Variants in FMNL2 observed in about 807,000 individuals in gnomAD.
FMNL2 encodes the protein formin like 2, also known as formin-like protein 2.
FMNL2 carries 51 observed loss-of-function variants against 130.2 expected under a neutral mutation model. That is an observed-to-expected ratio of 0.39 (90% CI 0.31 to 0.49). The LOEUF is 0.49. Among genes scored for constraint, FMNL2 ranks in the 20% least tolerant of loss-of-function variants. The pLI is 0.85. For missense variants in FMNL2, 977 were observed against 1,316.2 expected (o/e 0.74, Z 3.99); for synonymous variants, 465 against 467.1 (o/e 1.00, Z 0.06).
At chr2:152,514,285 TG>T (rs1692641380) in intron 1 of FMNL2, among the ~76,000 whole-genome samples, 1 of 152,206 alleles carries the variant, frequency 6.6e-6, no homozygotes, top group East Asian at 1.9e-4. Flanking sequence ...GATATTTCTT[TG>T]GCCGATGACT....
intron 1 of FMNL2, among the ~76,000 whole-genome samples, chr2:152,504,169 C>T (rs1170785073): frequency 6.6e-6 from 1 of 152,054 alleles, no homozygotes; most frequent in African/African-American, 2.4e-5. Flanking sequence ...CCAGCCTGTG[C>T]GACAGAGCGA....
At chr2:152,364,259 GTGTTTTTTTTTTTTT>G (rs750304982) in intron 1 of FMNL2, among the ~76,000 whole-genome samples, 19 of 100,766 alleles carry the variant, frequency 1.9e-4, no homozygotes, top group Middle Eastern at 5.1e-3. Context: ...GGAGGTTTGT[GTGTTTTTTTTTTTTT>G]TTTTTTTTTT....
intron 1 of FMNL2, among the ~76,000 whole-genome samples, chr2:152,392,075 A>G (rs1354589852): frequency 6.6e-6 from 1 of 151,986 alleles, no homozygotes; most frequent in Non-Finnish European, 1.5e-5. Flanking sequence ...TGCTATTTTC[A>G]TATTGTTTAA....
intron 1 of FMNL2, among the ~76,000 whole-genome samples, chr2:152,513,336 G>A (rs537486759): frequency 6.6e-6 from 1 of 152,080 alleles, no homozygotes; most frequent in Non-Finnish European, 1.5e-5. Context: ...CCCTCTTAGC[G>A]AATGTTAACT....
chr2:152,559,194 G>C (rs749619043), intron 5 of FMNL2, among the ~76,000 whole-genome samples: 4 of 152,182 alleles, frequency 2.6e-5, no homozygotes, highest in Non-Finnish European at 4.4e-5. Context: ...AATGATGTCT[G>C]CATGTATATT....
chr2:152,545,028 T>A (rs1007686835), intron 3 of FMNL2, among the ~76,000 whole-genome samples: 7 of 152,226 alleles, frequency 4.6e-5, no homozygotes, highest in Admixed American at 3.3e-4. Context: ...TTCACCTGAA[T>A]GGCCATGTTT....
At chr2:152,479,224 ACCAATCCTCCTGCCTCAG>A (rs371130828) in intron 1 of FMNL2, among the ~76,000 whole-genome samples, 1,566 of 152,138 alleles carry the variant, frequency 0.01, 24 homozygotes, top group African/African-American at 0.036. Context: ...CCTGGGCTCA[ACCAATCCTCCTGCCTCAG>A]CCAATCCTCC....
intron 1 of FMNL2, among the ~76,000 whole-genome samples, chr2:152,495,931 A>G (rs1231301688): frequency 1.3e-5 from 2 of 152,112 alleles, no homozygotes; most frequent in South Asian, 2.1e-4. Context: ...TTACCCCAGC[A>G]TTAAGCTTGT....
At chr2:152,356,491 C>G (rs1375180796) in intron 1 of FMNL2, among the ~76,000 whole-genome samples, 2 of 152,126 alleles carry the variant, frequency 1.3e-5, no homozygotes, top group East Asian at 3.9e-4. Flanking sequence ...ACAGTTGATC[C>G]TCATTATATG....
intron 13 of FMNL2, among the ~76,000 whole-genome samples, chr2:152,618,022 G>C (rs1350648389): frequency 6.6e-6 from 1 of 152,170 alleles, no homozygotes; most frequent in Non-Finnish European, 1.5e-5. Context: ...ATTAGTAATA[G>C]ACAGGGTGTG....
intron 10 of FMNL2, among the ~76,000 whole-genome samples, chr2:152,610,126 A>G (rs1030046518): frequency 6.6e-6 from 1 of 152,148 alleles, no homozygotes; most frequent in Non-Finnish European, 1.5e-5. Context: ...ATCTGTTACT[A>G]TCCTGTTGAT....
chr2:152,583,157 G>A lies in FMNL2; in HGVS notation c.876+2108G>A, dbSNP rs115351296. 3.4e-3 allele frequency among the ~76,000 whole-genome samples: 515 copies of A among 152,264 alleles called. 2 individuals carry two copies. Among genetic ancestry groups the A allele is most frequent in the African/African-American group, 0.012 (485 of 41,550 alleles). ...TCTAATACCTGGACAATAGTAATGAGAACTAAATTACTTTTGACATTGAAT... is the reference window on the plus strand; with the variant it reads ...TCTAATACCTGGACAATAGTAATGAAAACTAAATTACTTTTGACATTGAAT... On this transcript the variant is annotated intron_variant, in intron 9 of 25. Transcript: ENST00000288670.
At chr2:152,493,178 A>G (rs16831229) in intron 1 of FMNL2, among the ~76,000 whole-genome samples, 13,559 of 152,290 alleles carry the variant, frequency 0.089, 918 homozygotes, top group Admixed American at 0.22. Flanking sequence ...AAGAAGCAAG[A>G]GATTCTTATG....
chr2:152,368,481 G>A (rs1252915215), intron 1 of FMNL2, among the ~76,000 whole-genome samples: 3 of 148,764 alleles, frequency 2.0e-5, no homozygotes, highest in Non-Finnish European at 4.5e-5. Context: ...TTTTTTTTAA[G>A]CAGTAAAAAT....
At chr2:152,342,487 A>C (rs148869195) in intron 1 of FMNL2, among the ~76,000 whole-genome samples, 18 of 152,314 alleles carry the variant, frequency 1.2e-4, no homozygotes, top group African/African-American at 4.1e-4. Flanking sequence ...CCTGCAAATA[A>C]GAAGTGTGTC....
chr2:152,621,964 T>C (rs1681360854), intron 15 of FMNL2, among the ~76,000 whole-genome samples: 1 of 152,172 alleles, frequency 6.6e-6, no homozygotes, highest in Non-Finnish European at 1.5e-5. Context: ...GGTGTGTTCT[T>C]GGAGACCAAG....
intron 1 of FMNL2, among the ~76,000 whole-genome samples, chr2:152,503,694 C>G (rs1221099531): frequency 6.6e-6 from 1 of 152,062 alleles, no homozygotes; most frequent in Non-Finnish European, 1.5e-5. Context: ...CATTATTTAC[C>G]TGGGCCATGG....
At chr2:152,463,654 A>C (rs560199812) in intron 1 of FMNL2, among the ~76,000 whole-genome samples, 22 of 152,322 alleles carry the variant, frequency 1.4e-4, no homozygotes, top group African/African-American at 4.8e-4. Flanking sequence ...ATCTTCAGAA[A>C]ATATTGCTAC....
chr2:152,486,221 A>T (rs1690822442), intron 1 of FMNL2, among the ~76,000 whole-genome samples: 1 of 152,212 alleles, frequency 6.6e-6, no homozygotes. Context: ...AAATCGCTGT[A>T]AAGTTAATGT....
Sources: gnomAD v4.1 joint callset for allele counts (sites outside exome capture counted in the v4.1 genomes callset) on GRCh38, gnomAD v4.1.1 for gene constraint, MANE v1.5 for transcripts, NCBI Gene and HGNC (gene_info 2026-07-23, HGNC 2026-07-21) for gene names.